Variants in MAGI1 observed in about 807,000 individuals in gnomAD.
MAGI1 encodes membrane associated guanylate kinase, WW and PDZ domain containing 1.
A neutral mutation model predicts 139.9 loss-of-function variants in MAGI1; 58 were observed. The ratio of observed to expected loss-of-function variants is 0.41; its 90% CI spans 0.34 to 0.52. MAGI1 has a LOEUF of 0.52. Among genes scored for constraint, MAGI1 ranks in the 20% least tolerant of loss-of-function variants. The probability of loss-of-function intolerance (pLI) is 0.12; values close to 1 mark genes in which losing one functional copy is unlikely to be tolerated. For synonymous variants in MAGI1, 812 were observed against 737.9 expected (o/e 1.10, Z -1.63); for missense variants, 1,874 against 1,901.6 (o/e 0.99, Z 0.27).
At chr3:65,688,558 A>G (rs2088279267) in intron 1 of MAGI1, 2 of 352,738 alleles carry the variant, frequency 5.7e-6, no homozygotes, top group African/African-American at 4.2e-5. Context: ...TTATATGGTG[A>G]CAGACATTTC....
chr3:65,873,666 T>C (rs1051445869), intron 1 of MAGI1: 3 of 152,112 alleles, frequency 2.0e-5, no homozygotes, highest in Non-Finnish European at 4.4e-5. Flanking sequence ...ACAGTAACAG[T>C]GTGTCAAGAC....
chr3:65,954,619 G>C (rs926828412), intron 1 of MAGI1: 1 of 152,266 alleles, frequency 6.6e-6, no homozygotes, highest in African/African-American at 2.4e-5. Flanking sequence ...GGGGTGTGTT[G>C]TCAGGCGGCA....
intron 1 of MAGI1, among the ~76,000 whole-genome samples, chr3:65,694,137 A>G (rs1559794029): frequency 6.6e-6 from 1 of 152,230 alleles, no homozygotes. Flanking sequence ...AGAGCCAGAT[A>G]ACTAACCAAA....
intron 12 of MAGI1, among the ~76,000 whole-genome samples, chr3:65,410,689 A>G (rs1945724862): frequency 6.6e-6 from 1 of 152,214 alleles, no homozygotes; most frequent in Non-Finnish European, 1.5e-5. Context: ...AGATAGCCGA[A>G]GAGTGTATGC....
At chr3:65,419,311 G>A (rs1160621511) in intron 12 of MAGI1, among the ~76,000 whole-genome samples, 1 of 151,530 alleles carries the variant, frequency 6.6e-6, no homozygotes, top group Non-Finnish European at 1.5e-5. Flanking sequence ...GTGTATGCAT[G>A]TATGCATGCG....
intron 2 of MAGI1, among the ~76,000 whole-genome samples, chr3:65,533,720 T>A (rs2078822171): frequency 6.6e-6 from 1 of 152,086 alleles, no homozygotes; most frequent in African/African-American, 2.4e-5. Flanking sequence ...ATTCCCCCAA[T>A]GAGGCAGCTT....
intron 7 of MAGI1, among the ~76,000 whole-genome samples, chr3:65,444,584 T>C (rs1047096155): frequency 2.0e-5 from 3 of 152,190 alleles, no homozygotes; most frequent in Non-Finnish European, 4.4e-5. Flanking sequence ...CAAACATTTG[T>C]TGAATGCCTA....
At chr3:65,916,076 C>CTT (rs149571106) in intron 1 of MAGI1, among the ~76,000 whole-genome samples, 21 of 149,068 alleles carry the variant, frequency 1.4e-4, no homozygotes, top group African/African-American at 4.7e-4. Context: ...TCTTTCTTTT[C>CTT]TTTTTTTTGA....
At chr3:65,405,828 C>T (rs1945291059) in intron 12 of MAGI1, among the ~76,000 whole-genome samples, 1 of 134,688 alleles carries the variant, frequency 7.4e-6, no homozygotes, top group Admixed American at 7.5e-5. Flanking sequence ...CTCCTGACCT[C>T]ATGATCCACC....
intron 2 of MAGI1, among the ~76,000 whole-genome samples, chr3:65,518,503 G>C (rs1195827872): frequency 2.0e-5 from 3 of 152,114 alleles, no homozygotes; most frequent in African/African-American, 4.8e-5. Context: ...CTTCCCACAA[G>C]AAAAGGTAGG....
At position 65,930,315 on chromosome 3, in the gene MAGI1, C is replaced by CAAA. The variant is rs58258730; in HGVS notation, c.313+107678_313+107680dup. Among the ~76,000 whole-genome samples, 40 of 87,620 alleles carry CAAA rather than the reference C, an allele frequency of 4.6e-4. 1 individual carries two copies. The highest frequency in any genetic ancestry group is 2.4e-3 in the East Asian group (8 of 3,326). The allele number at this position is 87,620 out of a possible 152,430, so 57.5% of individuals were successfully genotyped here. A position where few individuals can be genotyped will look rare whatever the true frequency, so the allele number is the denominator to read the frequency against. Reference sequence around the variant, plus strand: ...TGGGCGAAAGAGCAAGACTCCGTCTCAAAAAAAAAAAAAAAAAAAAAAAAA... The same window carrying CAAA: ...TGGGCGAAAGAGCAAGACTCCGTCTCAAAAAAAAAAAAAAAAAAAAAAAAAAAA... On this transcript the variant is annotated intron_variant, in intron 1 of 22. Transcript: ENST00000402939.
In MAGI1 at chr3:65,429,819, C is replaced by A; in HGVS notation, c.1868G>T (p.Gly623Val). Reference sequence around the variant, plus strand: ...CAAAGAAACAGTGTCATTAGGATAACCATGAGAACTATTTGAAGCCACGTC... The same window carrying A: ...CAAAGAAACAGTGTCATTAGGATAAACATGAGAACTATTTGAAGCCACGTC... ...PADVASNSSH[G>V]YPNDTVSLAS... The change falls in exon 12 of 23, where the codon GGT (glycine) becomes GTT (valine). Residue 623 changes from glycine to valine, a missense_variant. Physicochemically the swap from Gly to Val is moderately radical, Grantham distance 109 (BLOSUM62 -3). Transcript: ENST00000402939. The A allele has an allele frequency of 3.1e-6, 5 of 1,613,992 alleles. No homozygotes were observed. The highest frequency in any genetic ancestry group is 3.4e-6 in the Non-Finnish European group (4 of 1,179,958).
At chr3:65,845,814 C>A (rs1444782918) in intron 1 of MAGI1, among the ~76,000 whole-genome samples, 3 of 152,154 alleles carry the variant, frequency 2.0e-5, no homozygotes, top group African/African-American at 4.8e-5. Flanking sequence ...GTTTCACAGT[C>A]TTTTACGAAA....
chr3:65,581,941 T>A (rs535717610), intron 2 of MAGI1, among the ~76,000 whole-genome samples: 2 of 152,150 alleles, frequency 1.3e-5, no homozygotes, highest in Admixed American at 6.5e-5. Flanking sequence ...ACATAGTAGA[T>A]GTTTGATAAA....
chr3:65,832,521 A>G (rs977553821), intron 1 of MAGI1, among the ~76,000 whole-genome samples: 2 of 151,968 alleles, frequency 1.3e-5, no homozygotes, highest in Admixed American at 1.3e-4. Flanking sequence ...TTGGCAAGTA[A>G]CTTCTGTTCA....
intron 1 of MAGI1, among the ~76,000 whole-genome samples, chr3:65,628,807 G>A (rs1426555962): frequency 6.6e-6 from 1 of 152,084 alleles, no homozygotes; most frequent in Admixed American, 6.5e-5. Context: ...ATATCTTGGT[G>A]TTATATTAAT....
intron 1 of MAGI1, among the ~76,000 whole-genome samples, chr3:65,989,191 G>T (rs1156465418): frequency 2.0e-5 from 3 of 152,190 alleles, no homozygotes; most frequent in African/African-American, 4.8e-5. Context: ...AAACATGGAA[G>T]ATTTTAAGAG....
At chr3:65,424,295 G>A (rs1946848018) in intron 12 of MAGI1, among the ~76,000 whole-genome samples, 1 of 152,032 alleles carries the variant, frequency 6.6e-6, no homozygotes, top group Non-Finnish European at 1.5e-5. Flanking sequence ...TGCTTATAAA[G>A]CTAGAGGATT....
intron 14 of MAGI1, chr3:65,387,069 G>T: frequency 7.5e-7 from 1 of 1,326,980 alleles, no homozygotes; most frequent in Non-Finnish European, 1.1e-6. Context: ...CTTCTCCCCA[G>T]GCCCCCAGAC....
Sources: allele counts gnomAD v4.1 joint callset (sites outside exome capture counted in the v4.1 genomes callset), GRCh38; gene constraint gnomAD v4.1.1; transcripts MANE v1.5; gene names NCBI Gene and HGNC (gene_info 2026-07-23, HGNC 2026-07-21).